TENM2: variants seen among roughly 807,000 people sequenced by gnomAD.
The protein encoded by TENM2 is teneurin-2.
In TENM2, 52 loss-of-function variants were observed where a neutral mutation model predicts 245.2. The ratio of observed to expected loss-of-function variants is 0.21; its 90% CI spans 0.17 to 0.27. TENM2 has a LOEUF of 0.27. Among genes scored for constraint, TENM2 ranks in the 10% least tolerant of loss-of-function variants. TENM2 has a pLI of 1.00. For missense variants in TENM2, 3,046 were observed against 3,666.8 expected (o/e 0.83, Z 4.37); for synonymous variants, 1,363 against 1,438.9 (o/e 0.95, Z 1.19).
intron 2 of TENM2, among the ~76,000 whole-genome samples, chr5:167,753,455 G>A (rs1051842647): frequency 6.6e-6 from 1 of 152,188 alleles, no homozygotes. Flanking sequence ...AATAGGATGG[G>A]ATCTGATTTC....
chr5:168,235,578 G>T (rs747878408), intron 25 of TENM2, among the ~76,000 whole-genome samples: 1 of 152,186 alleles, frequency 6.6e-6, no homozygotes, highest in African/African-American at 2.4e-5. Context: ...AGGCCCAGAC[G>T]GGTGGATGAC....
intron 2 of TENM2, among the ~76,000 whole-genome samples, chr5:167,485,645 G>C (rs1768013944): frequency 6.6e-6 from 1 of 152,142 alleles, no homozygotes; most frequent in African/African-American, 2.4e-5. Context: ...AGGTGGTTCA[G>C]AGTGCAGTGG....
intron 1 of TENM2, among the ~76,000 whole-genome samples, chr5:167,345,792 G>T (rs1758415047): frequency 6.6e-6 from 1 of 150,938 alleles, no homozygotes; most frequent in Admixed American, 6.6e-5. Flanking sequence ...GCAACCTGCT[G>T]ACCCTAGAGA....
At chr5:167,569,804 A>T (rs1256579387) in intron 2 of TENM2, among the ~76,000 whole-genome samples, 2 of 152,188 alleles carry the variant, frequency 1.3e-5, no homozygotes, top group Non-Finnish European at 2.9e-5. Flanking sequence ...TATTTTACAG[A>T]TGGGGAGAGC....
At chr5:167,370,192 A>G (rs1760321318) in intron 1 of TENM2, among the ~76,000 whole-genome samples, 1 of 151,980 alleles carries the variant, frequency 6.6e-6, no homozygotes, top group South Asian at 2.1e-4. Context: ...AATACAAAAA[A>G]TTAGCTGGGT....
intron 8 of TENM2, among the ~76,000 whole-genome samples, chr5:168,095,702 A>G (rs1197070957): frequency 1.3e-5 from 2 of 152,146 alleles, no homozygotes; most frequent in Non-Finnish European, 2.9e-5. Context: ...AGTGTTTTGC[A>G]TATAATAAGT....
the TENM2 span, among the ~76,000 whole-genome samples, chr5:167,032,143 A>G: frequency 1.3e-5 from 2 of 152,236 alleles, no homozygotes; most frequent in Non-Finnish European, 2.9e-5. Flanking sequence ...GGGGAATATT[A>G]TAAGATTACA....
intron 2 of TENM2, among the ~76,000 whole-genome samples, chr5:167,455,979 T>G (rs1864978): frequency 0.38 from 57,729 of 151,930 alleles, 11,600 homozygotes; most frequent in East Asian, 0.61. Flanking sequence ...AGCAACAAAA[T>G]CATGAATTTT....
Position 168,218,688 on chromosome 5 carries a change from T to G in TENM2, c.4797T>G (p.Asp1599Glu). Residue 1599 changes from aspartate (D) to glutamate (E), a missense_variant, in exon 23 of 29, where the codon GAT becomes GAG. This residue lies in a region of TENM2 where 2,704 missense variants were observed against 3,331.9 expected (regional missense o/e 0.81). Transcript: ENST00000518659. The surrounding 1 kb of genome is among the most constrained non-coding windows in gnomAD (Gnocchi z 5.2). ...AGGAGTTATATGTTTTCAACGCTGA[T>G]GGCATCCACCAATACACTGTGAGCC... 6.2e-7 allele frequency: 1 copy of G among 1,614,046 alleles called. No individual in the cohort carries two copies. The highest frequency in any genetic ancestry group is 8.5e-7 in the Non-Finnish European group (1 of 1,179,894).
At chr5:167,510,002 G>A (rs929955729) in intron 2 of TENM2, among the ~76,000 whole-genome samples, 2 of 152,178 alleles carry the variant, frequency 1.3e-5, no homozygotes, top group African/African-American at 4.8e-5. Flanking sequence ...TTATGTGGCT[G>A]TCTTTCACTA....
chr5:167,354,042 C>G (rs1018976719), intron 1 of TENM2, among the ~76,000 whole-genome samples: 1 of 152,158 alleles, frequency 6.6e-6, no homozygotes, highest in African/African-American at 2.4e-5. Flanking sequence ...GGAACTACGA[C>G]CTTTTCTCTG....
intron 2 of TENM2, among the ~76,000 whole-genome samples, chr5:167,541,506 C>A (rs1268381757): frequency 6.6e-6 from 1 of 152,108 alleles, no homozygotes; most frequent in African/African-American, 2.4e-5. Flanking sequence ...ATCTCTGTTT[C>A]AAAGCAGCAG....
chr5:167,295,136 C>A (rs966759095), intron 1 of TENM2, among the ~76,000 whole-genome samples: 1 of 152,180 alleles, frequency 6.6e-6, no homozygotes, highest in African/African-American at 2.4e-5. Context: ...AGGGAATTTG[C>A]TCTTTTTAGT....
At chr5:167,148,853 T>C in the TENM2 span, among the ~76,000 whole-genome samples, 3,759 of 152,254 alleles carry the variant, frequency 0.025, 149 homozygotes, top group African/African-American at 0.085. Flanking sequence ...ATGTGTGTGA[T>C]TTGAATGAAT....
rs34151147 is a variant in TENM2 at position 167,815,972 on chromosome 5, TTGTGTGTGTGTGTGTGTGTG to T, written c.503-59994_503-59975del. 9.7e-4 allele frequency among the ~76,000 whole-genome samples: 140 copies of T among 144,128 alleles called. 2 individuals are homozygous for T. The highest frequency in any genetic ancestry group is 3.5e-3 in the African/African-American group (138 of 39,272). The allele number at this position is 144,128 out of a possible 152,430, so 94.6% of individuals were successfully genotyped here. The stretch of plus-strand genomic sequence containing the variant: ...ATCACTTAAGTCCCATTATGATCCT[TTGTGTGTGTGTGTGTGTGTG>T]TGTGTGTGTGTGTGTGTGTTTCTCC... On this transcript the variant is annotated intron_variant, in intron 2 of 28. Transcript: ENST00000518659.
At chr5:167,188,151 G>A in the TENM2 span, among the ~76,000 whole-genome samples, 9 of 152,142 alleles carry the variant, frequency 5.9e-5, no homozygotes, top group Admixed American at 5.2e-4. Flanking sequence ...GGTCCCTAAT[G>A]CACTATAGCC....
chr5:168,034,917 T>C lies in TENM2; in HGVS notation c.1187-12510T>C, dbSNP rs950577691. Among the ~76,000 whole-genome samples, 3 of 152,256 alleles carry C rather than the reference T, an allele frequency of 2.0e-5. No homozygotes were observed. In the South Asian group the frequency reaches 6.2e-4, roughly 32 times the overall value. ...TGTTCAGTATAATTGAAGAACTGAA[T>C]TAATTTACATTTAAAAACTCAAATG... On this transcript the variant is annotated intron_variant, in intron 5 of 28. Transcript: ENST00000518659.
At chr5:167,286,335 A>G (rs375898564) in intron 1 of TENM2, among the ~76,000 whole-genome samples, 30 of 152,284 alleles carry the variant, frequency 2.0e-4, no homozygotes, top group East Asian at 7.7e-4. Context: ...ATCCTCCTCC[A>G]TGAGAAAATG....
At chr5:167,245,627 T>G in the TENM2 span, among the ~76,000 whole-genome samples, 7 of 152,048 alleles carry the variant, frequency 4.6e-5, no homozygotes, top group African/African-American at 7.2e-5. Flanking sequence ...TTATTGAGTA[T>G]AGGACAATGG....
Sources: gnomAD v4.1 joint callset for allele counts (sites outside exome capture counted in the v4.1 genomes callset) on GRCh38, gnomAD v4.1.1 for gene constraint, gnomAD v4.1.1 regional missense constraint, Gnocchi (gnomAD v3.1) non-coding constraint, MANE v1.5 for transcripts, NCBI Gene and HGNC (gene_info 2026-07-23, HGNC 2026-07-21) for gene names.